PCDH15: variants seen among roughly 807,000 people sequenced by gnomAD.
The protein encoded by PCDH15 is protocadherin related 15, also known as protocadherin-15.
In PCDH15, 129 loss-of-function variants were observed where a neutral mutation model predicts 178.5. That is an observed-to-expected ratio of 0.72 (90% CI 0.63 to 0.84). PCDH15 has a LOEUF of 0.84. Among genes scored for constraint, PCDH15 ranks in the 40% least tolerant of loss-of-function variants. The probability of loss-of-function intolerance (pLI) is 0.00; values close to 1 mark genes in which losing one functional copy is unlikely to be tolerated. For synonymous variants in PCDH15, 800 were observed against 732.0 expected (o/e 1.09, Z -1.50); for missense variants, 2,230 against 2,099.9 (o/e 1.06, Z -1.21).
intron 1 of PCDH15, among the ~76,000 whole-genome samples, chr10:54,796,272 A>ATCTATCTC (rs1564482362): frequency 1.0e-5 from 1 of 99,730 alleles, no homozygotes; most frequent in Non-Finnish European, 2.0e-5. Context: ...CTATCTATCT[A>ATCTATCTC]TGTATCTATG....
intron 15 of PCDH15, among the ~76,000 whole-genome samples, chr10:54,090,822 T>C (rs76015452): frequency 1.9e-3 from 291 of 152,284 alleles, no homozygotes; most frequent in African/African-American, 6.4e-3. Context: ...CGGGCTCCAA[T>C]TGTCCTATGT....
At chr10:54,489,991 T>A (rs2079436720) in intron 3 of PCDH15, among the ~76,000 whole-genome samples, 1 of 152,170 alleles carries the variant, frequency 6.6e-6, no homozygotes, top group Non-Finnish European at 1.5e-5. Flanking sequence ...AATCTGATCC[T>A]AAAATGAAAA....
chr10:54,517,090 C>G (rs1169452621), intron 3 of PCDH15, among the ~76,000 whole-genome samples: 1 of 152,136 alleles, frequency 6.6e-6, no homozygotes, highest in African/African-American at 2.4e-5. Flanking sequence ...CAACAGGTAC[C>G]AGCCACTGCA....
At chr10:54,503,225 A>ATGTGTGTGTGTGTGTGTGTG in intron 3 of PCDH15, among the ~76,000 whole-genome samples, 2 of 83,776 alleles carry the variant, frequency 2.4e-5, no homozygotes, top group South Asian at 1.4e-3. Flanking sequence ...ATACATATAT[A>ATGTGTGTGTGTGTGTGTGTG]TGTGTGTGTG....
chr10:54,193,262 C>T (rs2049214424), intron 11 of PCDH15, among the ~76,000 whole-genome samples: 1 of 152,140 alleles, frequency 6.6e-6, no homozygotes, highest in Admixed American at 6.5e-5. Flanking sequence ...ACAATCCAGA[C>T]AAGTACGGGG....
intron 1 of PCDH15, among the ~76,000 whole-genome samples, chr10:55,234,414 T>C (rs1841315736): frequency 6.6e-6 from 1 of 152,148 alleles, no homozygotes; most frequent in South Asian, 2.1e-4. Context: ...TTTGTCATTT[T>C]TTTTTTCTTT....
chr10:55,220,701 T>C (rs1321112572), intron 1 of PCDH15, among the ~76,000 whole-genome samples: 1 of 152,054 alleles, frequency 6.6e-6, no homozygotes, highest in Non-Finnish European at 1.5e-5. Flanking sequence ...CATGATTCTC[T>C]GGGGGCATGA....
At chr10:55,074,432 G>A (rs1420137879) in intron 2 of PCDH15, among the ~76,000 whole-genome samples, 1 of 152,098 alleles carries the variant, frequency 6.6e-6, no homozygotes, top group Non-Finnish European at 1.5e-5. Flanking sequence ...GTATCTCATT[G>A]TGGGTTTGAT....
intron 3 of PCDH15, among the ~76,000 whole-genome samples, chr10:54,504,513 T>A (rs1203827676): frequency 6.6e-6 from 1 of 152,154 alleles, no homozygotes; most frequent in Non-Finnish European, 1.5e-5. Context: ...TTTATTGTCA[T>A]CTTCACAAAT....
chr10:55,186,218 G>C (rs1839795908), intron 1 of PCDH15, among the ~76,000 whole-genome samples: 2 of 151,102 alleles, frequency 1.3e-5, no homozygotes, highest in South Asian at 4.2e-4. Flanking sequence ...ATAAAGAATG[G>C]ATTAAAGTAC....
intron 2 of PCDH15, among the ~76,000 whole-genome samples, chr10:54,985,493 A>G (rs1422552550): frequency 6.6e-6 from 1 of 152,200 alleles, no homozygotes; most frequent in Non-Finnish European, 1.5e-5. Context: ...AAGAGAATGA[A>G]CATCATAACT....
At chr10:55,160,238 A>G (rs74136374) in intron 2 of PCDH15, among the ~76,000 whole-genome samples, 2,521 of 152,044 alleles carry the variant, frequency 0.017, 65 homozygotes, top group African/African-American at 0.056. Context: ...TTTGAGCACA[A>G]TGACTAGAGA....
intron 1 of PCDH15, among the ~76,000 whole-genome samples, chr10:54,681,363 G>C (rs1229568522): frequency 6.6e-6 from 1 of 152,140 alleles, no homozygotes; most frequent in Non-Finnish European, 1.5e-5. Flanking sequence ...CACTAACATA[G>C]GCTATCTACG....
intron 2 of PCDH15, among the ~76,000 whole-genome samples, chr10:54,557,587 T>G (rs1289944986): frequency 2.6e-5 from 4 of 152,138 alleles, no homozygotes; most frequent in Non-Finnish European, 5.9e-5. Context: ...CACTGAACAA[T>G]TTCAGTGAGG....
intron 1 of PCDH15, among the ~76,000 whole-genome samples, chr10:55,257,536 A>T (rs1411980983): frequency 6.6e-6 from 1 of 152,248 alleles, no homozygotes; most frequent in African/African-American, 2.4e-5. Flanking sequence ...AAAGGACCTG[A>T]TGGAGCTGAA....
At chr10:54,707,353 T>C (rs1301908210) in intron 1 of PCDH15, among the ~76,000 whole-genome samples, 1 of 152,104 alleles carries the variant, frequency 6.6e-6, no homozygotes, top group Non-Finnish European at 1.5e-5. Flanking sequence ...CCATATAAAA[T>C]TGAGAGGAAA....
intron 1 of PCDH15, among the ~76,000 whole-genome samples, chr10:54,695,200 A>C (rs913011192): frequency 2.0e-5 from 3 of 152,144 alleles, no homozygotes; most frequent in Admixed American, 1.3e-4. Flanking sequence ...ATGTACCCTA[A>C]AACTTAAAGT....
intron 8 of PCDH15, 112 bp from the exon 9 acceptor site, chr10:54,237,043 A>G: frequency 1.1e-6 from 1 of 911,772 alleles, no homozygotes; most frequent in South Asian, 1.3e-5. Flanking sequence ...CAGTAAACTC[A>G]AGTTTCAACA....
chr10:54,928,251 T>C (rs1837680857), intron 2 of PCDH15, among the ~76,000 whole-genome samples: 1 of 152,182 alleles, frequency 6.6e-6, no homozygotes, highest in African/African-American at 2.4e-5. Flanking sequence ...TTTAGAATGT[T>C]GAATATTGGA....
Sources: allele counts gnomAD v4.1 joint callset (sites outside exome capture counted in the v4.1 genomes callset), GRCh38; gene constraint gnomAD v4.1.1; transcripts MANE v1.5; gene names NCBI Gene and HGNC (gene_info 2026-07-23, HGNC 2026-07-21).